MLLT3: variants seen among roughly 807,000 people sequenced by gnomAD.
The protein encoded by MLLT3 is protein AF-9.
A neutral mutation model predicts 53.2 loss-of-function variants in MLLT3; 4 were observed. The observed-to-expected ratio is 0.08, with a 90% confidence interval of 0.04 to 0.17. The LOEUF (loss-of-function observed/expected upper bound fraction) is 0.17, where lower values mean the gene tolerates loss of function less well. Ranked by LOEUF, MLLT3 falls within the 10% of genes least tolerant of loss-of-function variation. MLLT3 has a pLI of 1.00. For missense variants in MLLT3, 569 were observed against 684.0 expected, an observed-to-expected ratio of 0.83 and a Z score of 1.87; for synonymous variants, 283 against 230.6, an observed-to-expected ratio of 1.23 and a Z score of -2.06.
intron 4 of MLLT3, among the ~76,000 whole-genome samples, chr9:20,442,751 T>TA (rs1266896936): frequency 6.6e-6 from 1 of 152,118 alleles, no homozygotes; most frequent in Non-Finnish European, 1.5e-5. Context: ...CACTTGACAA[T>TA]AAGCAGCATT....
intron 5 of MLLT3, among the ~76,000 whole-genome samples, chr9:20,373,724 T>C (rs1458248166): frequency 6.6e-6 from 1 of 152,188 alleles, no homozygotes; most frequent in Non-Finnish European, 1.5e-5. Context: ...TACGAAAATG[T>C]AACTTTTCAT....
intron 5 of MLLT3, among the ~76,000 whole-genome samples, chr9:20,402,799 C>A (rs1480303045): frequency 6.6e-6 from 1 of 151,970 alleles, no homozygotes; most frequent in Non-Finnish European, 1.5e-5. Flanking sequence ...GGATTTGCAC[C>A]CTACCCTTTT....
chr9:20,391,319 A>C (rs751755247), intron 5 of MLLT3, among the ~76,000 whole-genome samples: 19 of 152,246 alleles, frequency 1.2e-4, no homozygotes, highest in Non-Finnish European at 2.8e-4. Context: ...GGGAAAAAGA[A>C]GAGAAGGAAA....
chr9:20,459,026 C>T (rs144947502), intron 2 of MLLT3, among the ~76,000 whole-genome samples: 15 of 151,844 alleles, frequency 9.9e-5, no homozygotes, highest in African/African-American at 3.1e-4. Flanking sequence ...ATTTTCTCTC[C>T]CTTTAAAGAA....
At chr9:20,378,024 G>C (rs1401580793) in intron 5 of MLLT3, among the ~76,000 whole-genome samples, 1 of 152,040 alleles carries the variant, frequency 6.6e-6, no homozygotes, top group African/African-American at 2.4e-5. Context: ...AGTTCTTTGG[G>C]TGTGGGTATG....
intron 3 of MLLT3, among the ~76,000 whole-genome samples, chr9:20,455,336 T>C (rs1823938400): frequency 1.3e-5 from 2 of 152,212 alleles, no homozygotes; most frequent in African/African-American, 4.8e-5. Flanking sequence ...AACTGCTGAA[T>C]TGAGGACTGA....
At chr9:20,487,118 A>C (rs755348042) in intron 2 of MLLT3, among the ~76,000 whole-genome samples, 5 of 152,130 alleles carry the variant, frequency 3.3e-5, no homozygotes, top group Non-Finnish European at 7.4e-5. Context: ...TATGGCAGAG[A>C]GGGCATTAGC....
chr9:20,583,576 T>A (rs967023697), intron 2 of MLLT3, among the ~76,000 whole-genome samples: 1 of 152,202 alleles, frequency 6.6e-6, no homozygotes, highest in Non-Finnish European at 1.5e-5. Context: ...TCTTCTGCAA[T>A]CTAGGCAGAG....
At chr9:20,412,476 T>A (rs1165151052) in intron 5 of MLLT3, among the ~76,000 whole-genome samples, 1 of 149,560 alleles carries the variant, frequency 6.7e-6, no homozygotes, top group African/African-American at 2.5e-5. Context: ...AGTAGGGAGA[T>A]CTGTGGACCA....
At chr9:20,351,715 G>C (rs1404336685) in intron 10 of MLLT3, among the ~76,000 whole-genome samples, 1 of 152,216 alleles carries the variant, frequency 6.6e-6, no homozygotes, top group African/African-American at 2.4e-5. Flanking sequence ...TTCTGCTTCA[G>C]GTGTTCAAGT....
At chr9:20,618,101 T>C (rs1820882672) in intron 2 of MLLT3, among the ~76,000 whole-genome samples, 2 of 152,222 alleles carry the variant, frequency 1.3e-5, no homozygotes, top group Admixed American at 1.3e-4. Flanking sequence ...ATTGTCACTA[T>C]AGCCAACACA....
chr9:20,610,626 G>A (rs1281821439), intron 2 of MLLT3, among the ~76,000 whole-genome samples: 1 of 152,100 alleles, frequency 6.6e-6, no homozygotes, highest in Non-Finnish European at 1.5e-5. Flanking sequence ...ACATTACATT[G>A]ATGGAGCTAT....
intron 2 of MLLT3, among the ~76,000 whole-genome samples, chr9:20,484,419 G>A (rs1824753051): frequency 6.6e-6 from 1 of 152,114 alleles, no homozygotes; most frequent in Non-Finnish European, 1.5e-5. Flanking sequence ...TGTATTGGAG[G>A]AAGCTATCTA....
intron 5 of MLLT3, among the ~76,000 whole-genome samples, chr9:20,390,013 T>C (rs911236243): frequency 1.3e-5 from 2 of 152,210 alleles, no homozygotes; most frequent in African/African-American, 4.8e-5. Flanking sequence ...TGTAGTACAT[T>C]TGGCCCATCA....
chr9:20,418,018 G>C (rs944507672), intron 4 of MLLT3, among the ~76,000 whole-genome samples: 58 of 152,256 alleles, frequency 3.8e-4, no homozygotes, highest in African/African-American at 1.3e-3. Flanking sequence ...TCTGTCTTGT[G>C]AAAGATTTTC....
At chr9:20,583,697 T>C (rs1819866992) in intron 2 of MLLT3, among the ~76,000 whole-genome samples, 1 of 152,162 alleles carries the variant, frequency 6.6e-6, no homozygotes, top group African/African-American at 2.4e-5. Context: ...AAGATGTACG[T>C]TGTTCCCTTT....
At chr9:20,566,059 T>C (rs1372776210) in intron 2 of MLLT3, among the ~76,000 whole-genome samples, 2 of 88,726 alleles carry the variant, frequency 2.3e-5, no homozygotes, top group East Asian at 6.7e-4. Context: ...TATATTTATA[T>C]ATATATTTGT....
intron 2 of MLLT3, among the ~76,000 whole-genome samples, chr9:20,564,539 T>C (rs996195078): frequency 5.9e-5 from 9 of 152,132 alleles, no homozygotes; most frequent in African/African-American, 1.9e-4. Flanking sequence ...TAATTCAAAG[T>C]ACATAAGCTT....
At chr9:20,460,772 G>A (rs1162796323) in intron 2 of MLLT3, among the ~76,000 whole-genome samples, 1 of 152,212 alleles carries the variant, frequency 6.6e-6, no homozygotes, top group East Asian at 1.9e-4. Context: ...TCCAAAAGAA[G>A]TGGTGAGTTG....
Sources: gnomAD v4.1 joint callset for allele counts (sites outside exome capture counted in the v4.1 genomes callset) on GRCh38, gnomAD v4.1.1 for gene constraint, MANE v1.5 for transcripts, NCBI Gene and HGNC (gene_info 2026-07-23, HGNC 2026-07-21) for gene names.